The following POMZP3 variants were observed in gnomAD, a reference collection of about 807,000 sequenced individuals.
The protein encoded by POMZP3 is POM121 and ZP3 fusion protein.
In POMZP3, 10 loss-of-function variants were observed where a neutral mutation model predicts 19.8. The observed-to-expected ratio is 0.51, with a 90% CI of 0.31 to 0.86. The LOEUF is 0.86. Ranked by LOEUF, POMZP3 falls within the 40% of genes least tolerant of loss-of-function variation. POMZP3 has a pLI of 0.04. For missense variants in POMZP3, 152 were observed against 228.1 expected (o/e 0.67, Z 2.15); for synonymous variants, 57 against 85.8 (o/e 0.66, Z 1.85).
At chr7:76,611,917 G>A in intron 4 of POMZP3, 104 bp from the exon 5 acceptor site, 1 of 1,532,862 alleles carries the variant, frequency 6.5e-7, no homozygotes, top group Non-Finnish European at 8.8e-7. Flanking sequence ...AGTGAGAAGG[G>A]GCCGGGTGCG....
chr7:76,623,812 G>A (rs1377238494), intron 3 of POMZP3, among the ~76,000 whole-genome samples: 6 of 151,690 alleles, frequency 4.0e-5, no homozygotes, highest in Non-Finnish European at 8.8e-5. Flanking sequence ...CAAAAAAAAA[G>A]AAAGAGAGAG....
At chr7:76,624,697 G>T (rs1799236) in intron 3 of POMZP3, among the ~76,000 whole-genome samples, 19 of 148,916 alleles carry the variant, frequency 1.3e-4, no homozygotes, top group African/African-American at 4.7e-4. Context: ...CCACCTGCCT[G>T]GGCCTCTCAA....
chr7:76,610,171 C>A lies in POMZP3; in HGVS notation c.*56G>T. 3 of 1,559,056 alleles carry A rather than the reference C, an allele frequency of 1.9e-6. No individual in the cohort carries two copies. Among genetic ancestry groups the A allele is most frequent in the Non-Finnish European group, 2.6e-6 (3 of 1,154,776 alleles). Reference sequence around the variant, plus strand: ...TCTACTTCATGGTCACCCCTCCTGTCCAGGAAGATCAGTGGCCCCACGGTG... The same window carrying A: ...TCTACTTCATGGTCACCCCTCCTGTACAGGAAGATCAGTGGCCCCACGGTG... On this transcript the variant is annotated 3_prime_UTR_variant, in exon 7 of 7. Coordinates refer to ENST00000310842, the MANE Select transcript of POMZP3 (RefSeq NM_012230.5).
rs563526585 is a variant in POMZP3 at position 76,620,193 on chromosome 7, T to G, written c.228-1893A>C. Among the ~76,000 whole-genome samples the G allele has an allele frequency of 4.1e-3, 355 of 87,388 alleles. 3 individuals are homozygous for G. Among genetic ancestry groups the G allele is most frequent in the African/African-American group, 0.015 (286 of 19,114 alleles). 57.3% of individuals were successfully genotyped at this position (87,388 alleles called of 152,430 possible). ...ATAAAATAAAATTAGCCGGGCATGG[T>G]GGCGGGCGCCTGTAGTCCCAGCTAC... On this transcript the variant is annotated intron_variant, in intron 3 of 6. Coordinates refer to ENST00000310842, the MANE Select transcript of POMZP3 (RefSeq NM_012230.5).
chr7:76,624,208 G>A (rs182866404), intron 3 of POMZP3, among the ~76,000 whole-genome samples: 1 of 138,316 alleles, frequency 7.2e-6, no homozygotes, highest in East Asian at 2.1e-4. Flanking sequence ...TCTCATGAAA[G>A]GAATTTGGTG....
In POMZP3 at chr7:76,626,754, A is replaced by G. The variant is rs1356418342; in HGVS notation, c.-198T>C. 2.2e-6 allele frequency: 3 copies of G among 1,373,062 alleles called. No individual in the cohort carries two copies. The highest frequency in any genetic ancestry group is 1.6e-5 in the African/African-American group (1 of 61,904). 85.1% of individuals were successfully genotyped at this position (1,373,062 alleles called of 1,614,324 possible). On this transcript the variant is annotated 5_prime_UTR_variant, in exon 1 of 7. Coordinates refer to ENST00000310842, the MANE Select transcript of POMZP3 (RefSeq NM_012230.5). ...GGTCGGAGAAGAGGAGTGGGGAGAG[A>G]GGGGTAAAAGTGGTGAACGCGATGG...
chr7:76,614,914 C>T (rs1815239161), intron 4 of POMZP3, among the ~76,000 whole-genome samples: 1 of 101,782 alleles, frequency 9.8e-6, no homozygotes, highest in Non-Finnish European at 2.1e-5. Context: ...GCAATAGCAC[C>T]ATCATAGCTC....
In POMZP3 at chr7:76,627,219, C is replaced by A. The variant is rs540863695; in HGVS notation, c.-663G>T. 3 of 1,423,026 alleles carry A rather than the reference C, an allele frequency of 2.1e-6. No homozygotes were observed. Among genetic ancestry groups the A allele is most frequent in the African/African-American group, 2.9e-5 (2 of 69,034 alleles). 88.1% of individuals were successfully genotyped at this position (1,423,026 alleles called of 1,614,324 possible). ...ACACTCGCTATCGGCCGCCGCCGCT[C>A]GCCTGCTCCAGCCGCCGCAGCCGCC... is the stretch of plus-strand genomic sequence containing the variant. On this transcript the variant is annotated 5_prime_UTR_variant, in exon 1 of 7. It introduces an in-frame stop codon into an upstream open reading frame of the 5' UTR. Coordinates refer to ENST00000310842, the MANE Select transcript of POMZP3 (RefSeq NM_012230.5).
rs143516376 is a variant in POMZP3 at position 76,626,009 on chromosome 7, C to A, written c.56G>T (p.Arg19Leu). ...CAACGATAATACTCACATCGCAGAA[C>A]GCGAAAATCTTCTGTCAGGAGGGGC... is the stretch of plus-strand genomic sequence containing the variant. The part of the protein sequence containing the change: ...RIAPPDRRFS[R>L]SAIPEQIISS... The change falls in exon 2 of 7, where the codon CGT becomes CTT. Residue 19 changes from arginine to leucine, a missense_variant. Transcript: ENST00000310842. The A allele has an allele frequency of 6.2e-7, 1 of 1,613,792 alleles. No homozygotes were observed. Among genetic ancestry groups the A allele is most frequent in the Admixed American group, 1.7e-5 (1 of 60,000 alleles).
At chr7:76,625,946 G>A in intron 2 of POMZP3, 54 bp downstream of exon 2, 2 of 1,605,830 alleles carry the variant, frequency 1.2e-6, no homozygotes, top group South Asian at 2.2e-5. Flanking sequence ...AACAACTGGA[G>A]AAGAATAAAG....
At chr7:76,617,149 T>C (rs1815316532) in intron 4 of POMZP3, among the ~76,000 whole-genome samples, 1 of 92,728 alleles carries the variant, frequency 1.1e-5, no homozygotes, top group African/African-American at 4.5e-5. Flanking sequence ...TTTGTATTTT[T>C]AGTAGAGGGG....
intron 4 of POMZP3, among the ~76,000 whole-genome samples, chr7:76,617,406 CT>C (rs1815324129): frequency 1.1e-5 from 1 of 93,720 alleles, no homozygotes; most frequent in Non-Finnish European, 2.2e-5. Flanking sequence ...CTCCTTCCCT[CT>C]TAGTGTCAAT....
chr7:76,616,616 G>A (rs1396136822), intron 4 of POMZP3, among the ~76,000 whole-genome samples: 1 of 96,648 alleles, frequency 1.0e-5, no homozygotes, highest in Admixed American at 1.0e-4. Context: ...CAGCACTTTT[G>A]GAGGCCGATG....
chr7:76,625,521 C>A lies in POMZP3; in HGVS notation c.227+1G>T, dbSNP rs1815828375. ...GCTTAGTACTCTCCTGAGCCTGTTA[C>A]CTTCTTTTATTTTCCTGGCCATCAA... On this transcript the variant is annotated splice_donor_variant, in intron 3 of 6. Transcript: ENST00000310842. LOFTEE classifies it high-confidence loss of function. 1.2e-6 allele frequency: 2 copies of A among 1,613,066 alleles called. No individual in the cohort carries two copies. Among genetic ancestry groups the A allele is most frequent in the Non-Finnish European group, 1.7e-6 (2 of 1,179,424 alleles).
In POMZP3 at chr7:76,611,394, G is replaced by A; in HGVS notation, c.*11+60C>T. 15 of 1,472,514 alleles carry A rather than the reference G, an allele frequency of 1.0e-5. 1 individual carries two copies. Among genetic ancestry groups the A allele is most frequent in the Non-Finnish European group, 1.3e-5 (14 of 1,095,252 alleles). The allele number at this position is 1,472,514 out of a possible 1,614,324, so 91.2% of individuals were successfully genotyped here. ...AAAATACCATCACCCTGAAATGACA[G>A]CAGGTACCCTCAACTGAGTAAGGGA... On this transcript the variant is annotated intron_variant, in intron 6 of 6. Transcript: ENST00000310842.
intron 3 of POMZP3, among the ~76,000 whole-genome samples, chr7:76,619,203 C>G (rs1217371790): frequency 6.6e-6 from 1 of 151,744 alleles, no homozygotes; most frequent in Admixed American, 6.6e-5. Context: ...GTTTGGCCAA[C>G]ATGGGGAAAC....
chr7:76,626,128 T>C lies in POMZP3; in HGVS notation c.-64A>G. 1.2e-6 allele frequency: 2 copies of C among 1,612,228 alleles called. No homozygotes were observed. The highest frequency in any genetic ancestry group is 1.3e-5 in the African/African-American group (1 of 74,942). ...AACCATTCCAGCACACTGTGGGAAG[T>C]ACCCCCGGACAGGAATACTGGGCCT... is the stretch of plus-strand genomic sequence containing the variant. On this transcript the variant is annotated 5_prime_UTR_variant, in exon 2 of 7. Coordinates refer to ENST00000310842, the MANE Select transcript of POMZP3 (RefSeq NM_012230.5).
intron 3 of POMZP3, among the ~76,000 whole-genome samples, chr7:76,624,692 T>C (rs1266205142): frequency 1.2e-3 from 183 of 149,400 alleles, no homozygotes; most frequent in Middle Eastern, 3.4e-3. Context: ...GTGATCCACC[T>C]GCCTGGGCCT....
At chr7:76,624,482 G>C (rs2116882452) in intron 3 of POMZP3, among the ~76,000 whole-genome samples, 1 of 149,530 alleles carries the variant, frequency 6.7e-6, no homozygotes, top group African/African-American at 2.5e-5. Flanking sequence ...GTCTCGCTCT[G>C]TCACCCAGGC....
Sources: allele counts gnomAD v4.1 joint callset (sites outside exome capture counted in the v4.1 genomes callset), GRCh38; gene constraint gnomAD v4.1.1; transcripts MANE v1.5; gene names NCBI Gene and HGNC (gene_info 2026-07-23, HGNC 2026-07-21).